Variants in TRPC6 observed in about 807,000 individuals in gnomAD.
The protein encoded by TRPC6 is transient receptor potential cation channel subfamily C member 6.
A neutral mutation model predicts 90.7 loss-of-function variants in TRPC6; 55 were observed. That is an observed-to-expected ratio of 0.61 (90% CI 0.49 to 0.76). The LOEUF (loss-of-function observed/expected upper bound fraction) is 0.76, where lower values mean the gene tolerates loss of function less well. Among genes scored for constraint, TRPC6 ranks in the 30% least tolerant of loss-of-function variants. The pLI is 0.00. For missense variants in TRPC6, 989 were observed against 1,122.7 expected, an observed-to-expected ratio of 0.88 and a Z score of 1.70; for synonymous variants, 393 against 393.0, an observed-to-expected ratio of 1.00 and a Z score of 0.00.
At chr11:101,469,803 G>A (rs1326066511) in intron 9 of TRPC6, among the ~76,000 whole-genome samples, 2 of 152,250 alleles carry the variant, frequency 1.3e-5, no homozygotes, top group South Asian at 2.1e-4. Context: ...GAATATCATA[G>A]ATTGTATTTT....
Position 101,472,177 on chromosome 11 carries a change from A to G in TRPC6, c.2165T>C (p.Met722Thr). Residue 722 changes from methionine (M) to threonine (T), a missense_variant, in exon 8 of 13, where the codon ATG becomes ACG. Around this residue, in one of 4 missense-constraint regions of TRPC6, gnomAD observed 118 missense variants for 197.6 expected, o/e 0.60. Transcript: ENST00000344327. ...TGAACTGTTGATCATGGCAATTAAC[A>G]TATTTAGCAAAACAATGACCATCGT... Reference protein sequence around the residue: ...NVTMVIVLLNMLIAMINSSFQ... With the variant: ...NVTMVIVLLNTLIAMINSSFQ... The G allele has an allele frequency of 1.2e-6, 2 of 1,612,188 alleles. No homozygotes were observed. Among genetic ancestry groups the G allele is most frequent in the Non-Finnish European group, 1.7e-6 (2 of 1,179,394 alleles).
At chr11:101,556,055 A>G (rs1379239314) in intron 1 of TRPC6, among the ~76,000 whole-genome samples, 1 of 152,204 alleles carries the variant, frequency 6.6e-6, no homozygotes, top group African/African-American at 2.4e-5. Context: ...CAAAACTTAC[A>G]GAATGCAGCA....
At chr11:101,496,078 A>AGG (rs966447867) in intron 2 of TRPC6, among the ~76,000 whole-genome samples, 10 of 125,662 alleles carry the variant, frequency 8.0e-5, no homozygotes, top group Non-Finnish European at 1.5e-4. Flanking sequence ...ATGTGGCAGC[A>AGG]GGAGAGAGAG....
intron 3 of TRPC6, 36 bp downstream of exon 3, chr11:101,491,520 C>T (rs752496106): frequency 1.2e-5 from 19 of 1,611,554 alleles, no homozygotes; most frequent in Non-Finnish European, 1.6e-5. Context: ...CAACAAGAAC[C>T]AAAATAATGT....
chr11:101,542,686 C>T (rs558399508), intron 1 of TRPC6, among the ~76,000 whole-genome samples: 1 of 150,754 alleles, frequency 6.6e-6, no homozygotes, highest in East Asian at 1.9e-4. Context: ...TTATGAAAGC[C>T]AGTGAATAAA....
chr11:101,557,063 A>T (rs1490586848), intron 1 of TRPC6, among the ~76,000 whole-genome samples: 1 of 152,178 alleles, frequency 6.6e-6, no homozygotes, highest in Non-Finnish European at 1.5e-5. Context: ...GTACCTCAAT[A>T]AAATAAAGAT....
rs1859587785 is a variant in TRPC6, at chr11:101,482,989, G to A, written c.1470C>T (p.Cys490=). Residue 490 remains cysteine, a synonymous_variant, in exon 5 of 13, where the codon TGC becomes TGT. Coordinates refer to ENST00000344327, the MANE Select transcript of TRPC6 (RefSeq NM_004621.6). Reference sequence around the variant, plus strand: ...TAATGAGCATCTCCATCCATGAGAAGCAGGATGTTTTCATCCTGAACAGCT... The same window carrying A: ...TAATGAGCATCTCCATCCATGAGAAACAGGATGTTTTCATCCTGAACAGCT... ...AKQLFRMKTS[C]FSWMEMLIIS... The A allele has an allele frequency of 4.3e-6, 7 of 1,613,998 alleles. No individual in the cohort carries two copies. The highest frequency in any genetic ancestry group is 4.2e-6 in the Non-Finnish European group (5 of 1,179,918).
chr11:101,490,177 C>T (rs761352417), intron 3 of TRPC6, among the ~76,000 whole-genome samples: 1 of 152,058 alleles, frequency 6.6e-6, no homozygotes, highest in Non-Finnish European at 1.5e-5. Context: ...TAACAAAAAT[C>T]TGAAAATTAT....
At chr11:101,492,114 C>CA (rs1347052492) in intron 2 of TRPC6, among the ~76,000 whole-genome samples, 1 of 151,788 alleles carries the variant, frequency 6.6e-6, no homozygotes, top group Non-Finnish European at 1.5e-5. Context: ...GCTGGGATTA[C>CA]AGGCGTGAGC....
At chr11:101,578,653 T>C (rs1257978613) in intron 1 of TRPC6, among the ~76,000 whole-genome samples, 2 of 152,154 alleles carry the variant, frequency 1.3e-5, no homozygotes, top group Non-Finnish European at 2.9e-5. Flanking sequence ...AAGAATCACT[T>C]TGAGTTTCCT....
intron 1 of TRPC6, chr11:101,583,098 A>G: frequency 1.1e-6 from 1 of 906,554 alleles, no homozygotes; most frequent in Non-Finnish European, 1.3e-6. Context: ...TCGTGGGCAA[A>G]CATATCCATG....
chr11:101,465,508 T>C (rs985244011), intron 10 of TRPC6, among the ~76,000 whole-genome samples: 14 of 152,136 alleles, frequency 9.2e-5, no homozygotes, highest in Non-Finnish European at 2.1e-4. Flanking sequence ...TTTTTTCTAA[T>C]CTTGTTTTCA....
intron 1 of TRPC6, among the ~76,000 whole-genome samples, chr11:101,510,253 C>A (rs2136756001): frequency 6.6e-6 from 1 of 152,126 alleles, no homozygotes; most frequent in East Asian, 1.9e-4. Context: ...TATTTGAAAG[C>A]AATTCAGGAA....
At chr11:101,482,905 G>C in intron 5 of TRPC6, 44 bp downstream of exon 5, 1 of 1,592,124 alleles carries the variant, frequency 6.3e-7, no homozygotes, top group Non-Finnish European at 8.6e-7. Context: ...CAGTCCAACT[G>C]CTAAGACTGC....
At chr11:101,463,891 T>G (rs371074679) in intron 10 of TRPC6, among the ~76,000 whole-genome samples, 1 of 152,208 alleles carries the variant, frequency 6.6e-6, no homozygotes, top group East Asian at 1.9e-4. Context: ...CTTCTAATTT[T>G]GATGTTAGGG....
At chr11:101,473,374 C>T in intron 7 of TRPC6, 135 bp downstream of exon 7, 1 of 917,024 alleles carries the variant, frequency 1.1e-6, no homozygotes, top group South Asian at 1.7e-5. Flanking sequence ...TTTGTAAAAT[C>T]CCCTCATTTT....
chr11:101,501,128 C>CATAT (rs1249019877), intron 2 of TRPC6, among the ~76,000 whole-genome samples: 4 of 150,802 alleles, frequency 2.7e-5, no homozygotes, highest in Non-Finnish European at 5.9e-5. Context: ...TACATACATA[C>CATAT]ATACCATGAA....
chr11:101,537,650 C>G (rs1861082553), intron 1 of TRPC6, among the ~76,000 whole-genome samples: 1 of 151,950 alleles, frequency 6.6e-6, no homozygotes, highest in Admixed American at 6.6e-5. Flanking sequence ...TAATCTGCAC[C>G]CTTTCTACTT....
At chr11:101,468,819 C>A (rs1859212072) in intron 10 of TRPC6, among the ~76,000 whole-genome samples, 1 of 152,178 alleles carries the variant, frequency 6.6e-6, no homozygotes, top group African/African-American at 2.4e-5. Context: ...CAGGTCTTAC[C>A]TGATACATTG....
Sources: allele counts gnomAD v4.1 joint callset (sites outside exome capture counted in the v4.1 genomes callset), GRCh38; gene constraint gnomAD v4.1.1; regional missense constraint gnomAD v4.1.1; transcripts MANE v1.5; gene names NCBI Gene and HGNC (gene_info 2026-07-23, HGNC 2026-07-21).